The following MSH3 variants were observed in gnomAD, a reference collection of about 807,000 sequenced individuals.
MSH3 encodes DNA mismatch repair protein Msh3.
MSH3 carries 106 observed loss-of-function variants against 123.3 expected under a neutral mutation model. That is an observed-to-expected ratio of 0.86 (90% CI 0.73 to 1.01). The LOEUF (loss-of-function observed/expected upper bound fraction) is 1.01, where lower values mean the gene tolerates loss of function less well. Among genes scored for constraint, MSH3 ranks in the 50% least tolerant of loss-of-function variants. The probability of loss-of-function intolerance (pLI) is 0.00; values close to 1 mark genes in which losing one functional copy is unlikely to be tolerated. For synonymous variants in MSH3, 515 were observed against 481.4 expected, an observed-to-expected ratio of 1.07 and a Z score of -0.91; for missense variants, 1,459 against 1,347.6, an observed-to-expected ratio of 1.08 and a Z score of -1.29.
Position 80,873,290 on chromosome 5 carries a change from CAG to C in MSH3, c.3302+6_3302+7del. On this transcript the variant is annotated splice_donor_5th_base_variant and intron_variant, in intron 23 of 23. Coordinates refer to ENST00000265081, the MANE Select transcript of MSH3 (RefSeq NM_002439.5). ...GAAGGATTAATAAATACGAAAAGGT[CAG>C]AGTGATTATGCTGCATTTTTTCATT... 6.2e-7 allele frequency: 1 copy of C among 1,613,650 alleles called. No individual in the cohort carries two copies. Among genetic ancestry groups the C allele is most frequent in the Non-Finnish European group, 8.5e-7 (1 of 1,179,788 alleles).
At chr5:80,761,161 G>A (rs1389795508) in intron 12 of MSH3, among the ~76,000 whole-genome samples, 1 of 152,154 alleles carries the variant, frequency 6.6e-6, no homozygotes, top group African/African-American at 2.4e-5. Flanking sequence ...TTCGAAGGAG[G>A]AGAAAAATGG....
intron 17 of MSH3, among the ~76,000 whole-genome samples, chr5:80,783,922 G>A (rs1744452248): frequency 6.6e-6 from 1 of 152,050 alleles, no homozygotes; most frequent in South Asian, 2.1e-4. Flanking sequence ...TCTAAAGTCA[G>A]AGCCATGGCT....
chr5:80,742,428 A>G (rs1224600986), intron 11 of MSH3, among the ~76,000 whole-genome samples: 2 of 152,254 alleles, frequency 1.3e-5, no homozygotes, highest in African/African-American at 4.8e-5. Flanking sequence ...GAGACATTAT[A>G]TTATAAAATT....
At chr5:80,781,787 A>G (rs576861180) in intron 17 of MSH3, among the ~76,000 whole-genome samples, 2 of 152,220 alleles carry the variant, frequency 1.3e-5, no homozygotes, top group South Asian at 4.1e-4. Flanking sequence ...TTGTCTTCTA[A>G]CAGCCCATTA....
At chr5:80,672,929 T>C (rs963905950) in intron 6 of MSH3, 71 bp downstream of exon 6, 7 of 1,248,458 alleles carry the variant, frequency 5.6e-6, no homozygotes, top group Non-Finnish European at 5.9e-6. Context: ...TGTTTGTTTG[T>C]TTGTTTGTTT....
intron 20 of MSH3, among the ~76,000 whole-genome samples, chr5:80,823,430 C>CAAA (rs2112068702): frequency 6.6e-6 from 1 of 152,202 alleles, no homozygotes; most frequent in Non-Finnish European, 1.5e-5. Context: ...AAGCTTTAGA[C>CAAA]CATCCTGGGC....
At chr5:80,657,531 TG>T (rs1374060623) in intron 2 of MSH3, among the ~76,000 whole-genome samples, 1 of 152,154 alleles carries the variant, frequency 6.6e-6, no homozygotes, top group East Asian at 1.9e-4. Flanking sequence ...GAGGTGGTGT[TG>T]CATATAGACA....
intron 20 of MSH3, among the ~76,000 whole-genome samples, chr5:80,834,259 C>T (rs1245159945): frequency 6.6e-6 from 1 of 152,040 alleles, no homozygotes; most frequent in Non-Finnish European, 1.5e-5. Flanking sequence ...GAATAACAGG[C>T]CTAATAGTCC....
At position 80,801,108 on chromosome 5, in the gene MSH3, C is replaced by T. The variant is rs553698586; in HGVS notation, c.2655+8264C>T. On this transcript the variant is annotated intron_variant, in intron 19 of 23. Transcript: ENST00000265081. The stretch of plus-strand genomic sequence containing the variant: ...GGTGGAGGGTGGTAGAAGAATGGAT[C>T]GGAGGCAGACATGGCCTTTAGACTG... Among the ~76,000 whole-genome samples the T allele has an allele frequency of 2.0e-5, 3 of 152,180 alleles. No individual in the cohort carries two copies. The South Asian group carries it at 6.2e-4, about 32-fold the overall frequency.
chr5:80,825,582 AG>A (rs35100179), intron 20 of MSH3, among the ~76,000 whole-genome samples: 107,200 of 151,902 alleles, frequency 0.71, 37,826 homozygotes, highest in South Asian at 0.8. Flanking sequence ...AGTGCACACA[AG>A]GGAGTTTTTC....
intron 10 of MSH3, among the ~76,000 whole-genome samples, chr5:80,732,352 G>A (rs1743427508): frequency 6.6e-6 from 1 of 151,980 alleles, no homozygotes; most frequent in African/African-American, 2.4e-5. Flanking sequence ...ATCCACCCAA[G>A]ATAAACTGTA....
intron 20 of MSH3, among the ~76,000 whole-genome samples, chr5:80,843,682 G>A (rs780390093): frequency 2.0e-5 from 3 of 152,038 alleles, no homozygotes; most frequent in South Asian, 2.1e-4. Context: ...ATTTTCTAGT[G>A]TATTTGCATA....
intron 8 of MSH3, among the ~76,000 whole-genome samples, chr5:80,698,025 A>G (rs1280477128): frequency 6.6e-6 from 1 of 151,930 alleles, no homozygotes; most frequent in Non-Finnish European, 1.5e-5. Context: ...CTCCCACCTC[A>G]ACCTCCTGAG....
intron 3 of MSH3, among the ~76,000 whole-genome samples, chr5:80,667,511 C>T (rs1749598233): frequency 6.6e-6 from 1 of 152,162 alleles, no homozygotes; most frequent in South Asian, 2.1e-4. Context: ...GCCTGGCAGG[C>T]TGTGCTTGGC....
intron 20 of MSH3, among the ~76,000 whole-genome samples, chr5:80,834,387 A>C (rs1051831369): frequency 4.0e-5 from 6 of 150,198 alleles, no homozygotes; most frequent in Non-Finnish European, 8.9e-5. Context: ...AAGTTCTACA[A>C]ATGGAAAGCA....
intron 19 of MSH3, among the ~76,000 whole-genome samples, chr5:80,812,849 C>T (rs142300252): frequency 2.3e-3 from 347 of 152,178 alleles, no homozygotes; most frequent in African/African-American, 8.1e-3. Context: ...TGAGCCACCG[C>T]GCCTGGCCAG....
intron 20 of MSH3, among the ~76,000 whole-genome samples, chr5:80,850,693 G>A (rs780246161): frequency 1.8e-4 from 27 of 152,166 alleles, no homozygotes; most frequent in Non-Finnish European, 5.9e-5. Flanking sequence ...CACAACATGT[G>A]GGAATTACGG....
intron 8 of MSH3, 80 bp from the exon 9 acceptor site, chr5:80,725,372 TC>T: frequency 1.1e-6 from 1 of 882,306 alleles, no homozygotes; most frequent in South Asian, 1.5e-5. Context: ...CTTTTTTTTT[TC>T]CTCTTCTGGC....
chr5:80,870,098 C>T (rs192714439), intron 22 of MSH3, among the ~76,000 whole-genome samples: 20 of 143,370 alleles, frequency 1.4e-4, no homozygotes, highest in East Asian at 1.3e-3. Flanking sequence ...CACTTAAACC[C>T]GGGAGGTGGA....
Sources: allele counts gnomAD v4.1 joint callset (sites outside exome capture counted in the v4.1 genomes callset), GRCh38; gene constraint gnomAD v4.1.1; transcripts MANE v1.5; gene names NCBI Gene and HGNC (gene_info 2026-07-23, HGNC 2026-07-21).